Variants in HECTD2 observed in about 807,000 individuals in gnomAD.
HECTD2 encodes the protein probable E3 ubiquitin-protein ligase HECTD2.
Under a neutral mutation model 103.2 loss-of-function variants are expected in HECTD2, and 35 were observed. The ratio of observed to expected loss-of-function variants is 0.34; its 90% confidence interval spans 0.26 to 0.45. HECTD2 has a LOEUF of 0.45. Ranked by LOEUF, HECTD2 falls within the 20% of genes least tolerant of loss-of-function variation. The probability of loss-of-function intolerance (pLI) is 1.00; values close to 1 mark genes in which losing one functional copy is unlikely to be tolerated. For missense variants in HECTD2, 596 were observed against 937.4 expected (o/e 0.64, Z 4.76); for synonymous variants, 281 against 329.9 (o/e 0.85, Z 1.61).
chr10:91,487,646 C>A lies in HECTD2; in HGVS notation c.1095-36C>A, dbSNP rs1846314063. 2 of 1,326,474 alleles carry A rather than the reference C, an allele frequency of 1.5e-6. No homozygotes were observed. The highest frequency in any genetic ancestry group is 1.1e-6 in the Non-Finnish European group (1 of 918,118). The allele number at this position is 1,326,474 out of a possible 1,614,324, so 82.2% of individuals were successfully genotyped here. ...TTAGTATAATTTTGTTAAAAATACA[C>A]CATTTTGCTTTTTCTTTTTTTCACT... On this transcript the variant is annotated intron_variant, in intron 10 of 20. Transcript: ENST00000298068. The surrounding 1 kb of genome is among the most constrained non-coding windows in gnomAD (Gnocchi z 4.1).
chr10:91,477,418 G>A (rs1845948553), intron 5 of HECTD2, among the ~76,000 whole-genome samples: 1 of 152,214 alleles, frequency 6.6e-6, no homozygotes, highest in South Asian at 2.1e-4. Flanking sequence ...AGTATGTCCA[G>A]TCAGCACATT....
chr10:91,465,560 GTT>G (rs560068820), intron 5 of HECTD2, among the ~76,000 whole-genome samples: 2 of 141,164 alleles, frequency 1.4e-5, no homozygotes, highest in Admixed American at 7.1e-5. Context: ...TAGCTGTAGG[GTT>G]TTTTTTTTTT....
upstream of HECTD2, chr10:91,410,308 A>C: frequency 3.1e-6 from 1 of 324,966 alleles, no homozygotes; most frequent in African/African-American, 2.3e-5. Flanking sequence ...GCGGGGGCGG[A>C]GTGGCGGCGG....
chr10:91,514,216 G>T lies in HECTD2; in HGVS notation c.*1832G>T, dbSNP rs1037671350. On this transcript the variant is annotated 3_prime_UTR_variant, in exon 21 of 21. Coordinates refer to ENST00000298068, the MANE Select transcript of HECTD2 (RefSeq NM_182765.6). ...GGTAGAGATGACTCATGGAAAAATT[G>T]TGTTGGCTTGGTCTGCATGTTTAAT... 11 of 152,610 alleles carry T rather than the reference G, an allele frequency of 7.2e-5. No individual in the cohort carries two copies. The highest frequency in any genetic ancestry group is 2.4e-4 in the African/African-American group (10 of 41,440). The allele number at this position is 152,610 out of a possible 1,614,324, so 9.5% of individuals were successfully genotyped here.
Position 91,491,218 on chromosome 10 carries a change from G to A in HECTD2, c.1210G>A (p.Val404Ile). The A allele has an allele frequency of 6.4e-7, 1 of 1,567,508 alleles. No homozygotes were observed. The highest frequency in any genetic ancestry group is 8.7e-7 in the Non-Finnish European group (1 of 1,143,362). Residue 404 changes from valine to isoleucine, a missense_variant, in exon 12 of 21, where the codon GTA becomes ATA. Around this residue, in one of 4 missense-constraint regions of HECTD2, gnomAD observed 303 missense variants for 522.5 expected, o/e 0.58. Transcript: ENST00000298068. ...TAATCAGCAAAGTCTGGTGGATAAAGTATCTCGAAGACAGAGACCTGATAT... is the reference window on the plus strand; with the variant it reads ...TAATCAGCAAAGTCTGGTGGATAAAATATCTCGAAGACAGAGACCTGATAT... ...NIARQSLVDKVSRRQRPDMNI... is the reference protein window; with the variant it reads ...NIARQSLVDKISRRQRPDMNI...
At chr10:91,471,803 A>C (rs1845737968) in intron 5 of HECTD2, among the ~76,000 whole-genome samples, 1 of 152,190 alleles carries the variant, frequency 6.6e-6, no homozygotes, top group Non-Finnish European at 1.5e-5. Context: ...TGCTCCAAAA[A>C]ATTACAGATG....
At chr10:91,469,477 A>G (rs1845650021) in intron 5 of HECTD2, among the ~76,000 whole-genome samples, 1 of 152,238 alleles carries the variant, frequency 6.6e-6, no homozygotes, top group Non-Finnish European at 1.5e-5. Flanking sequence ...AGATATTCCA[A>G]CCAAGAATTT....
chr10:91,432,130 A>G (rs979934902), intron 2 of HECTD2, among the ~76,000 whole-genome samples: 1 of 151,988 alleles, frequency 6.6e-6, no homozygotes, highest in African/African-American at 2.4e-5. Context: ...GTTAGGCTAC[A>G]TCTTCCAAAT....
chr10:91,487,544 T>A lies in HECTD2; in HGVS notation c.1095-138T>A. 1 of 709,790 alleles carries A rather than the reference T, an allele frequency of 1.4e-6. No individual in the cohort carries two copies. The highest frequency in any genetic ancestry group is 2.6e-6 in the Non-Finnish European group (1 of 381,958). 44.0% of individuals were successfully genotyped at this position (709,790 alleles called of 1,614,324 possible). On this transcript the variant is annotated intron_variant, in intron 10 of 20. Coordinates refer to ENST00000298068, the MANE Select transcript of HECTD2 (RefSeq NM_182765.6). This position sits in a 1 kb window ranked among gnomAD's most constrained non-coding sequence, Gnocchi z 4.1. ...TGAGAATTAAAAGAAATTATACACA[T>A]ACAATCATTTTGTATATGGTAAAAC... is the stretch of plus-strand genomic sequence containing the variant.
At chr10:91,456,634 A>G (rs1845107622) in intron 2 of HECTD2, among the ~76,000 whole-genome samples, 1 of 152,078 alleles carries the variant, frequency 6.6e-6, no homozygotes, top group African/African-American at 2.4e-5. Context: ...GTGGTGAGAG[A>G]GGGCATCCCT....
chr10:91,500,271 G>A (rs1846849150), intron 18 of HECTD2, among the ~76,000 whole-genome samples: 1 of 152,144 alleles, frequency 6.6e-6, no homozygotes. Flanking sequence ...TAATTTGCTT[G>A]TTTTTCTGGC....
At chr10:91,506,240 A>G (rs1489068222) in intron 20 of HECTD2, among the ~76,000 whole-genome samples, 1 of 151,134 alleles carries the variant, frequency 6.6e-6, no homozygotes, top group East Asian at 1.9e-4. Context: ...AAACACATTC[A>G]AAAGCTAGCA....
chr10:91,417,413 C>T (rs1843171645), intron 1 of HECTD2, among the ~76,000 whole-genome samples: 2 of 151,668 alleles, frequency 1.3e-5, no homozygotes, highest in African/African-American at 4.9e-5. Flanking sequence ...GGTACATGTG[C>T]ACAACGTGCA....
At chr10:91,430,759 G>A (rs1447213231) in intron 2 of HECTD2, among the ~76,000 whole-genome samples, 1 of 151,226 alleles carries the variant, frequency 6.6e-6, no homozygotes, top group African/African-American at 2.4e-5. Flanking sequence ...CTTTTATTTT[G>A]AGCCCATGTC....
chr10:91,449,321 A>C (rs1053448977), intron 2 of HECTD2, among the ~76,000 whole-genome samples: 1 of 152,178 alleles, frequency 6.6e-6, no homozygotes, highest in African/African-American at 2.4e-5. Context: ...TAGATGTATA[A>C]AAGGCCTCGA....
chr10:91,444,251 C>T (rs1025667331), intron 2 of HECTD2, among the ~76,000 whole-genome samples: 1 of 152,102 alleles, frequency 6.6e-6, no homozygotes, highest in Non-Finnish European at 1.5e-5. Context: ...CATATATACA[C>T]AGTTTTATAT....
In HECTD2 at chr10:91,491,193, TA is replaced by T; in HGVS notation, c.1192-5del. 7.0e-7 allele frequency: 1 copy of T among 1,430,078 alleles called. No individual in the cohort carries two copies. The highest frequency in any genetic ancestry group is 9.8e-7 in the Non-Finnish European group (1 of 1,019,810). 88.6% of individuals were successfully genotyped at this position (1,430,078 alleles called of 1,614,324 possible). A position where few individuals can be genotyped will look rare whatever the true frequency, so the allele number is the denominator to read the frequency against. ...AAGCAAAACTGTTTACTTTCTTATT[TA>T]ATCAGCAAAGTCTGGTGGATAAAGT... On this transcript the variant is annotated splice_region_variant and splice_polypyrimidine_tract_variant and intron_variant, in intron 11 of 20. Coordinates refer to ENST00000298068, the MANE Select transcript of HECTD2 (RefSeq NM_182765.6).
intron 2 of HECTD2, among the ~76,000 whole-genome samples, chr10:91,434,328 G>C (rs1844023463): frequency 6.6e-6 from 1 of 151,952 alleles, no homozygotes. Context: ...CAGTACCAAA[G>C]TACTAAACTG....
chr10:91,417,467 C>T (rs1349228793), intron 1 of HECTD2, among the ~76,000 whole-genome samples: 3 of 151,972 alleles, frequency 2.0e-5, no homozygotes, highest in Non-Finnish European at 1.5e-5. Context: ...GTGTGCTGCA[C>T]CCTTTAACTC....
Sources: gnomAD v4.1 joint callset for allele counts (sites outside exome capture counted in the v4.1 genomes callset) on GRCh38, gnomAD v4.1.1 for gene constraint, gnomAD v4.1.1 regional missense constraint, Gnocchi (gnomAD v3.1) non-coding constraint, MANE v1.5 for transcripts, NCBI Gene and HGNC (gene_info 2026-07-23, HGNC 2026-07-21) for gene names.